STK32B: variants seen among roughly 807,000 people sequenced by gnomAD.
STK32B encodes serine/threonine kinase 32B, also known as serine/threonine-protein kinase 32B.
In STK32B, 43 loss-of-function variants were observed where a neutral mutation model predicts 52.6. The observed-to-expected ratio is 0.82, with a 90% CI of 0.64 to 1.05. The LOEUF (loss-of-function observed/expected upper bound fraction) is 1.05, where lower values mean the gene tolerates loss of function less well. Among genes scored for constraint, STK32B ranks in the 50% least tolerant of loss-of-function variants. STK32B has a pLI of 0.00. For synonymous variants in STK32B, 238 were observed against 204.3 expected (o/e 1.17, Z -1.41); for missense variants, 621 against 534.6 (o/e 1.16, Z -1.59).
At chr4:5,090,584 C>T (rs888974034) in intron 1 of STK32B, among the ~76,000 whole-genome samples, 7 of 151,930 alleles carry the variant, frequency 4.6e-5, no homozygotes, top group Admixed American at 1.3e-4. Context: ...AGGATGGTCT[C>T]GATCTCCTGA....
chr4:5,145,019 C>A (rs750087708), intron 2 of STK32B, among the ~76,000 whole-genome samples: 3 of 152,148 alleles, frequency 2.0e-5, no homozygotes, highest in Non-Finnish European at 2.9e-5. Context: ...TATGGGTGTA[C>A]AGGGATGGAG....
At chr4:5,214,554 G>A (rs745953406) in intron 3 of STK32B, among the ~76,000 whole-genome samples, 2 of 152,080 alleles carry the variant, frequency 1.3e-5, no homozygotes, top group Non-Finnish European at 2.9e-5. Context: ...CCTTCTCTGG[G>A]TGGGTTTGTC....
intron 11 of STK32B, among the ~76,000 whole-genome samples, chr4:5,490,913 T>G (rs1428451434): frequency 6.6e-6 from 1 of 152,230 alleles, no homozygotes; most frequent in Non-Finnish European, 1.5e-5. Context: ...TCATCATTTT[T>G]TATGGCTGCA....
intron 3 of STK32B, among the ~76,000 whole-genome samples, chr4:5,202,510 G>C (rs2108776806): frequency 6.6e-6 from 1 of 152,362 alleles, no homozygotes; most frequent in East Asian, 1.9e-4. Flanking sequence ...CCCCAGTGGG[G>C]ACTCTGTGAG....
chr4:5,498,940 T>A lies in STK32B; in HGVS notation c.1107-5T>A. ...CCACTAACTCAGATCTGTGCTTGTT[T>A]GCAGGCTCAGGAGGCAGCAGGGACA... On this transcript the variant is annotated splice_polypyrimidine_tract_variant and splice_region_variant and intron_variant, in intron 11 of 11. Transcript: ENST00000282908. 1 of 1,611,022 alleles carries A rather than the reference T, an allele frequency of 6.2e-7. No individual in the cohort carries two copies. Among genetic ancestry groups the A allele is most frequent in the Non-Finnish European group, 8.5e-7 (1 of 1,178,366 alleles).
At chr4:5,168,048 A>G (rs548499418) in intron 2 of STK32B, among the ~76,000 whole-genome samples, 11 of 152,262 alleles carry the variant, frequency 7.2e-5, no homozygotes, top group African/African-American at 2.6e-4. Flanking sequence ...CTGTGTTTGC[A>G]TCTCCTCTTT....
chr4:5,252,495 G>T (rs377724221), intron 3 of STK32B, among the ~76,000 whole-genome samples: 25 of 152,300 alleles, frequency 1.6e-4, no homozygotes, highest in African/African-American at 4.8e-4. Flanking sequence ...GTGCATTACT[G>T]GGAAGGCAGA....
chr4:5,290,293 T>C (rs10014742), intron 3 of STK32B, among the ~76,000 whole-genome samples: 33,181 of 152,104 alleles, frequency 0.22, 5,116 homozygotes, highest in African/African-American at 0.44. Flanking sequence ...ATATTTTAAA[T>C]TTTTTGACTC....
chr4:5,234,126 C>T (rs933186186), intron 3 of STK32B, among the ~76,000 whole-genome samples: 1 of 152,092 alleles, frequency 6.6e-6, no homozygotes, highest in Non-Finnish European at 1.5e-5. Flanking sequence ...GGTTCATTTA[C>T]AAATATAAAT....
In STK32B at chr4:5,124,190, A is replaced by G. The variant is rs79920787; in HGVS notation, c.53-15715A>G. On this transcript the variant is annotated intron_variant, in intron 1 of 11. Transcript: ENST00000282908. Reference sequence around the variant, plus strand: ...TGTTGAGTTCACTCCCTCAAATTACATAATTTTGCTCTCTCACAGAGAAAA... The same window carrying G: ...TGTTGAGTTCACTCCCTCAAATTACGTAATTTTGCTCTCTCACAGAGAAAA... 2.3e-3 allele frequency among the ~76,000 whole-genome samples: 355 copies of G among 152,298 alleles called. 1 individual carries two copies. The highest frequency in any genetic ancestry group is 8.2e-3 in the African/African-American group (341 of 41,566).
intron 1 of STK32B, among the ~76,000 whole-genome samples, chr4:5,079,267 AT>A (rs1257185228): frequency 5.0e-5 from 6 of 120,960 alleles, no homozygotes; most frequent in African/African-American, 1.4e-4. Context: ...AGAAATAAGA[AT>A]GTATAAATTG....
intron 3 of STK32B, among the ~76,000 whole-genome samples, chr4:5,196,025 G>A (rs1182121126): frequency 6.6e-6 from 1 of 152,214 alleles, no homozygotes; most frequent in African/African-American, 2.4e-5. Context: ...TATGGCCTGA[G>A]ACCGGGCCTT....
intron 4 of STK32B, among the ~76,000 whole-genome samples, chr4:5,397,764 G>A (rs755377937): frequency 1.2e-4 from 18 of 152,196 alleles, no homozygotes; most frequent in Non-Finnish European, 2.5e-4. Flanking sequence ...GCCAAGAGCC[G>A]TAGTTTGCCC....
rs576652541 is a variant in STK32B, at chr4:5,458,402, C to T, written c.783+1479C>T. On this transcript the variant is annotated intron_variant, in intron 8 of 11. Transcript: ENST00000282908. ...GCCATACGATGGCTCTTCTCCCTTA[C>T]TCCTCCCAAGCCCTGTGAGCAGGGA... Among the ~76,000 whole-genome samples the T allele has an allele frequency of 3.9e-5, 6 of 152,306 alleles. No individual in the cohort carries two copies. In the East Asian group the frequency reaches 1.2e-3, roughly 29 times the overall value.
intron 1 of STK32B, among the ~76,000 whole-genome samples, chr4:5,119,351 G>T (rs1714905874): frequency 1.3e-5 from 2 of 152,232 alleles, no homozygotes; most frequent in Admixed American, 1.3e-4. Context: ...AGGAACTAGA[G>T]CACCTCCCAC....
chr4:5,177,080 G>C (rs998041676), intron 3 of STK32B, among the ~76,000 whole-genome samples: 1 of 152,182 alleles, frequency 6.6e-6, no homozygotes, highest in African/African-American at 2.4e-5. Flanking sequence ...TTCACCGTAA[G>C]AGGTTATATA....
chr4:5,205,703 C>T (rs866230549), intron 3 of STK32B, among the ~76,000 whole-genome samples: 2,465 of 140,932 alleles, frequency 0.017, 57 homozygotes, highest in African/African-American at 0.057. Flanking sequence ...GGCGCGCGCG[C>T]GTGTGTGTGT....
At chr4:5,049,794 C>T (rs1560125037), upstream of STK32B, among the ~76,000 whole-genome samples, 1 of 152,010 alleles carries the variant, frequency 6.6e-6, no homozygotes, top group Non-Finnish European at 1.5e-5. Context: ...TCCATATTGG[C>T]CAGGCTAGTC....
intron 4 of STK32B, among the ~76,000 whole-genome samples, chr4:5,337,976 A>G (rs1474284189): frequency 6.6e-6 from 1 of 152,216 alleles, no homozygotes; most frequent in East Asian, 1.9e-4. Flanking sequence ...TCCAGTCTCC[A>G]GGGAAAGCCT....
Sources: allele counts gnomAD v4.1 joint callset (sites outside exome capture counted in the v4.1 genomes callset), GRCh38; gene constraint gnomAD v4.1.1; transcripts MANE v1.5; gene names NCBI Gene and HGNC (gene_info 2026-07-23, HGNC 2026-07-21).